RNGTT: variants seen among roughly 807,000 people sequenced by gnomAD.
RNGTT encodes the protein mRNA-capping enzyme.
A neutral mutation model predicts 79.3 loss-of-function variants in RNGTT; 33 were observed. The observed-to-expected ratio is 0.42, with a 90% CI of 0.32 to 0.56. The LOEUF (loss-of-function observed/expected upper bound fraction) is 0.56. RNGTT is among the 20% of genes least tolerant of loss of function. RNGTT has a pLI of 0.17. For synonymous variants in RNGTT, 222 were observed against 235.9 expected (o/e 0.94, Z 0.54); for missense variants, 497 against 739.1 (o/e 0.67, Z 3.80).
intron 12 of RNGTT, among the ~76,000 whole-genome samples, chr6:88,777,480 G>T (rs185478182): frequency 6.6e-6 from 1 of 152,194 alleles, no homozygotes; most frequent in East Asian, 1.9e-4. Context: ...CATTAACATG[G>T]AATATCTTTC....
At chr6:88,729,844 G>C (rs1308212734) in intron 13 of RNGTT, among the ~76,000 whole-genome samples, 1 of 152,172 alleles carries the variant, frequency 6.6e-6, no homozygotes, top group Non-Finnish European at 1.5e-5. Flanking sequence ...AACAACTCAG[G>C]GGTAAATGAC....
At position 88,723,463 on chromosome 6, in the gene RNGTT, G is replaced by A. The variant is rs540202501; in HGVS notation, c.1440-45044C>T. Among the ~76,000 whole-genome samples the A allele has an allele frequency of 3.3e-5, 5 of 152,196 alleles. No homozygotes were observed. In the East Asian group the frequency reaches 5.8e-4, roughly 18 times the overall value. On this transcript the variant is annotated intron_variant, in intron 13 of 15. Coordinates refer to ENST00000369485, the MANE Select transcript of RNGTT (RefSeq NM_003800.5). ...CAGCCCCTTCTCTGCTGTGCTGCCC[G>A]TTGCTACTTTGCAACATTATTTTCA...
At chr6:88,641,761 C>T (rs1235662364) in intron 14 of RNGTT, among the ~76,000 whole-genome samples, 1 of 152,186 alleles carries the variant, frequency 6.6e-6, no homozygotes, top group Non-Finnish European at 1.5e-5. Context: ...GCAGCAGACT[C>T]ATTGAAGAAA....
In RNGTT at chr6:88,873,339, T is replaced by C. The variant is rs182904202; in HGVS notation, c.896+17156A>G. 2.6e-3 allele frequency among the ~76,000 whole-genome samples: 399 copies of C among 152,304 alleles called. 5 individuals carry two copies. Among genetic ancestry groups the C allele is most frequent in the Non-Finnish European group, 3.9e-3 (267 of 68,034 alleles). Reference sequence around the variant, plus strand: ...ACTTTAAATATGCTTTTAACTAGTATTCTCATAGAGATTCAAGAAGCTATC... The same window carrying C: ...ACTTTAAATATGCTTTTAACTAGTACTCTCATAGAGATTCAAGAAGCTATC... On this transcript the variant is annotated intron_variant, in intron 8 of 15. Transcript: ENST00000369485.
At chr6:88,675,780 CAA>C in intron 14 of RNGTT, among the ~76,000 whole-genome samples, 1 of 150,596 alleles carries the variant, frequency 6.6e-6, no homozygotes, top group East Asian at 1.9e-4. Flanking sequence ...AAATCCTGCC[CAA>C]GTGTCAGGGT....
intron 12 of RNGTT, among the ~76,000 whole-genome samples, chr6:88,777,160 C>T (rs1778916145): frequency 6.6e-6 from 1 of 152,092 alleles, no homozygotes; most frequent in Non-Finnish European, 1.5e-5. Context: ...AACATACATG[C>T]TTGGGTTTAT....
chr6:88,749,216 T>C (rs1015392732), intron 13 of RNGTT, among the ~76,000 whole-genome samples: 7 of 151,858 alleles, frequency 4.6e-5, no homozygotes, highest in Admixed American at 2.0e-4. Flanking sequence ...TCTGAAGTAA[T>C]AGAAGGAACA....
intron 13 of RNGTT, among the ~76,000 whole-genome samples, chr6:88,695,081 C>A (rs60567213): frequency 0.024 from 3,663 of 152,106 alleles, 156 homozygotes; most frequent in African/African-American, 0.079. Flanking sequence ...AAAAATAGAT[C>A]AAAAACTACA....
At position 88,919,716 on chromosome 6, in the gene RNGTT, T is replaced by C. The variant is rs559002897; in HGVS notation, c.367+9269A>G. ...AATTAGGTCAGTAGTTCTTTTTTTT[T>C]TTTTTTTTTTTTTTTTTGAGACGGA... is the stretch of plus-strand genomic sequence containing the variant. On this transcript the variant is annotated intron_variant, in intron 4 of 15. Transcript: ENST00000369485. 2.7e-5 allele frequency among the ~76,000 whole-genome samples: 4 copies of C among 146,128 alleles called. No individual in the cohort carries two copies. The East Asian group carries it at 7.8e-4, about 29-fold the overall frequency.
At chr6:88,800,761 C>G (rs1779758760) in intron 12 of RNGTT, among the ~76,000 whole-genome samples, 1 of 152,240 alleles carries the variant, frequency 6.6e-6, no homozygotes, top group South Asian at 2.1e-4. Flanking sequence ...TTTTGAAAAA[C>G]ACCGTCCTAC....
intron 4 of RNGTT, among the ~76,000 whole-genome samples, chr6:88,908,968 T>C (rs999565526): frequency 1.4e-4 from 22 of 152,030 alleles, no homozygotes; most frequent in Admixed American, 7.9e-4. Context: ...TGTGCAGGCC[T>C]GGTCCCACTT....
chr6:88,676,134 T>C (rs943297750), intron 14 of RNGTT, among the ~76,000 whole-genome samples: 1 of 152,192 alleles, frequency 6.6e-6, no homozygotes, highest in Non-Finnish European at 1.5e-5. Context: ...TTGGAGGATT[T>C]ATACTACTTG....
chr6:88,871,999 C>A (rs1203579091), intron 8 of RNGTT, among the ~76,000 whole-genome samples: 1 of 152,082 alleles, frequency 6.6e-6, no homozygotes, highest in Non-Finnish European at 1.5e-5. Context: ...TACACTGAAG[C>A]CTATTCTCCA....
intron 11 of RNGTT, among the ~76,000 whole-genome samples, chr6:88,819,815 C>G (rs1292723196): frequency 6.6e-6 from 1 of 152,106 alleles, no homozygotes; most frequent in Non-Finnish European, 1.5e-5. Flanking sequence ...CGTGATCACT[C>G]TCTTACAATA....
intron 14 of RNGTT, among the ~76,000 whole-genome samples, chr6:88,655,681 A>G (rs1029609745): frequency 1.3e-5 from 2 of 152,226 alleles, no homozygotes; most frequent in African/African-American, 2.4e-5. Flanking sequence ...CCTACTTAAA[A>G]TATAGAAGAC....
chr6:88,646,621 A>G (rs1273459605), intron 14 of RNGTT, among the ~76,000 whole-genome samples: 1 of 152,254 alleles, frequency 6.6e-6, no homozygotes, highest in Non-Finnish European at 1.5e-5. Context: ...AGACTGGATT[A>G]AGAAAATGTG....
At chr6:88,715,479 T>C (rs1776477394) in intron 13 of RNGTT, among the ~76,000 whole-genome samples, 1 of 152,102 alleles carries the variant, frequency 6.6e-6, no homozygotes, top group African/African-American at 2.4e-5. Flanking sequence ...AAAGTTCATA[T>C]GGAACCAAAA....
At chr6:88,880,977 C>T (rs565080392) in intron 8 of RNGTT, among the ~76,000 whole-genome samples, 1 of 152,164 alleles carries the variant, frequency 6.6e-6, no homozygotes, top group South Asian at 2.1e-4. Flanking sequence ...AGTTCAATTC[C>T]AACTGTAACT....
At chr6:88,932,168 G>A (rs561402931) in intron 2 of RNGTT, among the ~76,000 whole-genome samples, 17 of 152,234 alleles carry the variant, frequency 1.1e-4, no homozygotes, top group South Asian at 6.2e-4. Flanking sequence ...TAAAATGGCC[G>A]CTCTAGGAGG....
Sources: gnomAD v4.1 joint callset for allele counts (sites outside exome capture counted in the v4.1 genomes callset) on GRCh38, gnomAD v4.1.1 for gene constraint, MANE v1.5 for transcripts, NCBI Gene and HGNC (gene_info 2026-07-23, HGNC 2026-07-21) for gene names.